Variants in PSG8 observed in about 807,000 individuals in gnomAD.
The protein encoded by PSG8 is pregnancy-specific beta-1-glycoprotein 8.
A neutral mutation model predicts 42.5 loss-of-function variants in PSG8; 57 were observed. That is an observed-to-expected ratio of 1.34 (90% CI 1.08 to 1.67). PSG8 has a LOEUF of 1.67. Among genes scored for constraint, PSG8 ranks in the 40% most tolerant of loss-of-function variants. The pLI, the probability that PSG8 is intolerant of heterozygous loss-of-function variation, is 0.00. For synonymous variants in PSG8, 280 were observed against 196.8 expected, an observed-to-expected ratio of 1.42 and a Z score of -3.54; for missense variants, 783 against 518.6, an observed-to-expected ratio of 1.51 and a Z score of -4.95.
intron 2 of PSG8, among the ~76,000 whole-genome samples, chr19:42,759,467 T>C (rs1007170484): frequency 2.6e-5 from 4 of 152,118 alleles, no homozygotes; most frequent in African/African-American, 9.7e-5. Context: ...CAAAGTGTTT[T>C]GGATTTCTAA....
chr19:42,760,588 A>AT (rs527717039), intron 2 of PSG8, among the ~76,000 whole-genome samples: 64 of 147,776 alleles, frequency 4.3e-4, no homozygotes, highest in South Asian at 1.5e-3. Context: ...CTCTAACAGC[A>AT]TTTTTTTTTT....
chr19:42,755,395 G>T lies in PSG8; in HGVS notation c.710-129C>A, dbSNP rs577119864. ...GTCCTTGAAAGCCAATAGCTGGTGC[G>T]TGTGTCACAAGACAGATGCATGATG... On this transcript the variant is annotated intron_variant, in intron 3 of 4. Transcript: ENST00000306511. The T allele has an allele frequency of 3.3e-6, 5 of 1,500,080 alleles. No individual in the cohort carries two copies. In the South Asian group the frequency reaches 5.2e-5, roughly 16 times the overall value. The allele number at this position is 1,500,080 out of a possible 1,614,324, so 92.9% of individuals were successfully genotyped here.
intron 3 of PSG8, chr19:42,756,097 G>C (rs1470424015): frequency 6.6e-6 from 1 of 152,242 alleles, no homozygotes. Context: ...GCACTGACTG[G>C]TAGAAAGGGT....
rs528209112 is a variant in PSG8, at chr19:42,759,188, G to C, written c.431-908C>G. Among the ~76,000 whole-genome samples the C allele has an allele frequency of 7.2e-4, 109 of 152,176 alleles. 3 individuals are homozygous for C. The South Asian group carries it at 0.017, about 23-fold the overall frequency. On this transcript the variant is annotated intron_variant, in intron 2 of 4. Coordinates refer to ENST00000306511, the MANE Select transcript of PSG8 (RefSeq NM_182707.3). ...TTGGTGGATATTAGACCAATATTTGGGAAGAAGCCTTGCAGATACTTTCTC... is the reference window on the plus strand; with the variant it reads ...TTGGTGGATATTAGACCAATATTTGCGAAGAAGCCTTGCAGATACTTTCTC...
chr19:42,758,504 G>A, intron 2 of PSG8: 2 of 1,010,632 alleles, frequency 2.0e-6, no homozygotes, highest in Non-Finnish European at 2.8e-6. Context: ...AGTGTGAATT[G>A]AGCAGCAGCA....
Position 42,763,906 on chromosome 19 carries a change from A to G in PSG8, c.430+10T>C. On this transcript the variant is annotated intron_variant, in intron 2 of 4. Coordinates refer to ENST00000306511, the MANE Select transcript of PSG8 (RefSeq NM_182707.3). Reference sequence around the variant, plus strand: ...CCCCCAACACCCAGGGATCATGTGGAATCACTCACGATATAAGGTGAAGGT... The same window carrying G: ...CCCCCAACACCCAGGGATCATGTGGGATCACTCACGATATAAGGTGAAGGT... The G allele has an allele frequency of 6.2e-7, 1 of 1,613,614 alleles. No individual in the cohort carries two copies. Among genetic ancestry groups the G allele is most frequent in the South Asian group, 1.1e-5 (1 of 91,046 alleles).
rs371075439 is a variant in PSG8 at position 42,764,293 on chromosome 19, A to G, written c.65-12T>C. On this transcript the variant is annotated splice_polypyrimidine_tract_variant and intron_variant, in intron 1 of 4. Transcript: ENST00000306511. ...GTTTAAAAGTGATGCTAGGAGGTGG[A>G]GAGAGCATCAGTCAATATTGAGAGC... 3.2e-5 allele frequency: 52 copies of G among 1,608,936 alleles called. No homozygotes were observed. Among genetic ancestry groups the G allele is most frequent in the Admixed American group, 8.4e-5 (5 of 59,602 alleles).
intron 3 of PSG8, among the ~76,000 whole-genome samples, chr19:42,757,000 C>T (rs543902749): frequency 1.3e-5 from 2 of 152,060 alleles, no homozygotes; most frequent in African/African-American, 4.8e-5. Flanking sequence ...TTGATATCGT[C>T]TTTAACTTGT....
rs1373423846 is a variant in PSG8, at chr19:42,755,186, G to A, written c.790C>T (p.Pro264Ser). Residue 264 changes from proline to serine, a missense_variant, in exon 4 of 5, where the codon CCT becomes TCT. Pro to Ser is a moderately conservative substitution (Grantham distance 74). Coordinates refer to ENST00000306511, the MANE Select transcript of PSG8 (RefSeq NM_182707.3). ...ATGTAGGTGTAGTTCTCACTCTTAGGTTCACAGGTGAAGTTTAAGACATCC... is the reference window on the plus strand; with the variant it reads ...ATGTAGGTGTAGTTCTCACTCTTAGATTCACAGGTGAAGTTTAAGACATCC... Reference protein sequence around the residue: ...NKDVLNFTCEPKSENYTYIWW... With the variant: ...NKDVLNFTCESKSENYTYIWW... The A allele has an allele frequency of 6.2e-7, 1 of 1,611,872 alleles. No individual in the cohort carries two copies. Among genetic ancestry groups the A allele is most frequent in the South Asian group, 1.1e-5 (1 of 90,978 alleles).
chr19:42,763,056 A>G (rs1443272997), intron 2 of PSG8, among the ~76,000 whole-genome samples: 1 of 152,160 alleles, frequency 6.6e-6, no homozygotes, highest in Non-Finnish European at 1.5e-5. Context: ...TTTTCATGCT[A>G]TCTGTGAATA....
chr19:42,763,676 C>T lies in PSG8; in HGVS notation c.430+240G>A, dbSNP rs952462012. On this transcript the variant is annotated intron_variant, in intron 2 of 4. Coordinates refer to ENST00000306511, the MANE Select transcript of PSG8 (RefSeq NM_182707.3). ...TGAGACTGATCTCCTCCTGCTGAGT[C>T]CCCCCATCAGACTGTCCTTCCTCTG... The T allele has an allele frequency of 2.4e-4, 177 of 732,134 alleles. 1 individual carries two copies. Among genetic ancestry groups the T allele is most frequent in the Non-Finnish European group, 4.4e-5 (20 of 459,050 alleles). 45.4% of individuals were successfully genotyped at this position (732,134 alleles called of 1,614,324 possible).
intron 2 of PSG8, among the ~76,000 whole-genome samples, chr19:42,762,316 C>T (rs545247376): frequency 5.3e-4 from 80 of 152,052 alleles, no homozygotes; most frequent in Non-Finnish European, 7.5e-4. Flanking sequence ...GTGCCCCCAG[C>T]TCCACAGTCC....
intron 3 of PSG8, 46 bp from the exon 4 acceptor site, chr19:42,755,312 T>A (rs765048854): frequency 4.4e-6 from 7 of 1,590,712 alleles, no homozygotes; most frequent in Non-Finnish European, 5.1e-6. Flanking sequence ...GCACCTTTGA[T>A]TCCTCCACAG....
Position 42,764,029 on chromosome 19 carries a change from G to A in PSG8, c.317C>T (p.Ser106Phe). The change falls in exon 2 of 5, where the codon TCC becomes TTC. Residue 106 changes from serine to phenylalanine, a missense_variant. Physicochemically the swap from Ser to Phe is radical, Grantham distance 155. Transcript: ENST00000306511. Reference protein sequence around the residue: ...SGRETIYSNASLLIQNVTQED... With the variant: ...SGRETIYSNAFLLIQNVTQED... Reference sequence around the variant, plus strand: ...CTGGGTGACATTCTGGATCAGCAGGGATGCATTGGAATATATTGTTTCTCG... The same window carrying A: ...CTGGGTGACATTCTGGATCAGCAGGAATGCATTGGAATATATTGTTTCTCG... 6.2e-7 allele frequency: 1 copy of A among 1,613,736 alleles called. No individual in the cohort carries two copies. The highest frequency in any genetic ancestry group is 8.5e-7 in the Non-Finnish European group (1 of 1,179,872).
chr19:42,765,662 C>T lies in PSG8; in HGVS notation c.-81G>A, dbSNP rs1347785264. 3.2e-6 allele frequency: 5 copies of T among 1,554,166 alleles called. No individual in the cohort carries two copies. The Admixed American group carries it at 7.2e-5, about 22-fold the overall frequency. On this transcript the variant is annotated 5_prime_UTR_variant, in exon 1 of 5. Transcript: ENST00000306511. ...TTCCTGAGCACAGCTCTCAGCAGTGCTGTCCTGCCTCCTTCTGCGCTGAGC... is the reference window on the plus strand; with the variant it reads ...TTCCTGAGCACAGCTCTCAGCAGTGTTGTCCTGCCTCCTTCTGCGCTGAGC...
rs375725440 is a variant in PSG8, at chr19:42,754,387, G to A, written c.1189C>T (p.Arg397Cys). 205 of 1,613,726 alleles carry A rather than the reference G, an allele frequency of 1.3e-4. 2 individuals carry two copies. The South Asian group carries it at 1.4e-3, about 11-fold the overall frequency. The change falls in exon 5 of 5, where the codon CGT becomes TGT. Residue 397 changes from arginine to cysteine, a missense_variant. Arg to Cys is a radical substitution (Grantham distance 180). Coordinates refer to ENST00000306511, the MANE Select transcript of PSG8 (RefSeq NM_182707.3). ...CTTTCCTTGCCAGTGGCTGAGTTACGAACAGAGCAAGCATAGAGCCCGCTA... is the reference window on the plus strand; with the variant it reads ...CTTTCCTTGCCAGTGGCTGAGTTACAAACAGAGCAAGCATAGAGCCCGCTA... ...KHSGLYACSVRNSATGKESSK... is the reference protein window; with the variant it reads ...KHSGLYACSVCNSATGKESSK...
intron 4 of PSG8, 144 bp downstream of exon 4, chr19:42,754,844 C>T: frequency 6.6e-7 from 1 of 1,513,012 alleles, no homozygotes. Flanking sequence ...CCCAGGTTTT[C>T]CCAGGGCAGG....
Position 42,765,549 on chromosome 19 carries a change from C to T in PSG8, c.33G>A (p.Gln11=), listed in dbSNP as rs773403623. MGLLSAPPCT[Q]RITWKGLLLT... ...GCAGGAGCCCCTTCCAGGTGATGCGCTGTGTGCAGGGAGGGGCTGAGAGGA... is the reference window on the plus strand; with the variant it reads ...GCAGGAGCCCCTTCCAGGTGATGCGTTGTGTGCAGGGAGGGGCTGAGAGGA... Residue 11 remains glutamine, a synonymous_variant, in exon 1 of 5, where the codon CAG becomes CAA. Transcript: ENST00000306511. 1 of 1,611,242 alleles carries T rather than the reference C, an allele frequency of 6.2e-7. No individual in the cohort carries two copies.
intron 3 of PSG8, 129 bp from the exon 4 acceptor site, chr19:42,755,395 G>A (rs577119864): frequency 2.7e-6 from 4 of 1,500,070 alleles, no homozygotes; most frequent in African/African-American, 1.4e-5. Flanking sequence ...TAGCTGGTGC[G>A]TGTGTCACAA....
Sources: allele counts gnomAD v4.1 joint callset (sites outside exome capture counted in the v4.1 genomes callset), GRCh38; gene constraint gnomAD v4.1.1; transcripts MANE v1.5; gene names NCBI Gene and HGNC (gene_info 2026-07-23, HGNC 2026-07-21).